The following SNX13 variants were observed in gnomAD, a reference collection of about 807,000 sequenced individuals.
SNX13 encodes sorting nexin-13.
A neutral mutation model predicts 133.6 loss-of-function variants in SNX13; 45 were observed. The ratio of observed to expected loss-of-function variants is 0.34; its 90% CI spans 0.27 to 0.43. SNX13 has a LOEUF of 0.43. Among genes scored for constraint, SNX13 ranks in the 20% least tolerant of loss-of-function variants. The pLI is 1.00. For synonymous variants in SNX13, 414 were observed against 373.9 expected (o/e 1.11, Z -1.24); for missense variants, 1,032 against 1,145.1 (o/e 0.90, Z 1.43).
intron 1 of SNX13, among the ~76,000 whole-genome samples, chr7:17,905,398 A>G (rs545165173): frequency 6.6e-6 from 1 of 152,234 alleles, no homozygotes; most frequent in Non-Finnish European, 1.5e-5. Context: ...TATACATGTA[A>G]TGATAACATA....
At position 17,897,424 on chromosome 7, in the gene SNX13, C is replaced by T; in HGVS notation, c.35G>A (p.Trp12Ter). 6.2e-7 allele frequency: 1 copy of T among 1,601,134 alleles called. No homozygotes were observed. Among genetic ancestry groups the T allele is most frequent in the Non-Finnish European group, 8.5e-7 (1 of 1,172,734 alleles). Reference sequence around the variant, plus strand: ...AAAAAGGACAATGCCAAGGCTTCCCCATCCCCATATGGATAGACTGGCCTG... The same window carrying T: ...AAAAAGGACAATGCCAAGGCTTCCCTATCCCCATATGGATAGACTGGCCTG... ...LTEASLSIWG[W>*]GSLGIVLFLI... The change falls in exon 2 of 26, where the codon TGG becomes TAG. Residue 12 changes from tryptophan to a stop codon, truncating the protein, a stop_gained. Transcript: ENST00000428135. LOFTEE classifies it high-confidence loss of function.
intron 1 of SNX13, among the ~76,000 whole-genome samples, chr7:17,904,998 G>A (rs1365687909): frequency 6.6e-6 from 1 of 152,064 alleles, no homozygotes; most frequent in Non-Finnish European, 1.5e-5. Context: ...GGAAGGAATG[G>A]AAAAAGGAGA....
intron 12 of SNX13, among the ~76,000 whole-genome samples, chr7:17,840,207 C>T (rs545060450): frequency 2.0e-5 from 3 of 151,986 alleles, no homozygotes; most frequent in Non-Finnish European, 2.9e-5. Flanking sequence ...AAAGTGAAGT[C>T]GTGTATTTCA....
intron 3 of SNX13, among the ~76,000 whole-genome samples, chr7:17,892,757 T>C (rs1796765685): frequency 6.6e-6 from 1 of 152,120 alleles, no homozygotes; most frequent in Non-Finnish European, 1.5e-5. Flanking sequence ...CCTCTCTTCA[T>C]ACAAAATGAA....
rs149245703 is a variant in SNX13 at position 17,859,018 on chromosome 7, C to T, written c.838-8054G>A. Among the ~76,000 whole-genome samples the T allele has an allele frequency of 4.9e-3, 743 of 152,122 alleles. 5 individuals are homozygous for T. The highest frequency in any genetic ancestry group is 0.017 in the African/African-American group (717 of 41,536). Reference sequence around the variant, plus strand: ...TATAAAACTTAGCATAGGCAAATAACTTGGTAATCTTCAAACAAACAAGGA... The same window carrying T: ...TATAAAACTTAGCATAGGCAAATAATTTGGTAATCTTCAAACAAACAAGGA... On this transcript the variant is annotated intron_variant, in intron 9 of 25. Coordinates refer to ENST00000428135, the MANE Select transcript of SNX13 (RefSeq NM_015132.5).
intron 21 of SNX13, 85 bp from the exon 22 acceptor site, chr7:17,801,744 T>C: frequency 1.0e-6 from 1 of 1,000,534 alleles, no homozygotes; most frequent in Admixed American, 2.8e-5. Flanking sequence ...TAAATGAGTA[T>C]CAGCATTTGA....
At chr7:17,827,847 T>C (rs1450625674) in intron 16 of SNX13, among the ~76,000 whole-genome samples, 2 of 152,002 alleles carry the variant, frequency 1.3e-5, no homozygotes, top group East Asian at 1.9e-4. Context: ...TTTACTTCAA[T>C]ATTTTTATGT....
chr7:17,798,703 C>A lies in SNX13; in HGVS notation c.2500G>T (p.Val834Leu). 1.3e-6 allele frequency: 2 copies of A among 1,577,908 alleles called. No homozygotes were observed. Among genetic ancestry groups the A allele is most frequent in the Non-Finnish European group, 1.7e-6 (2 of 1,162,754 alleles). ...MTSPEQVADS[V>L]KRFRDAFWPN... The stretch of plus-strand genomic sequence containing the variant: ...CTTAAGATATACCTGAAACGTTTCA[C>A]TGAGTCGGCTACTTGTTCAGGTGAA... The change falls in exon 24 of 26, where the codon GTG (valine) becomes TTG (leucine). Residue 834 changes from valine to leucine, a missense_variant. Val to Leu is a conservative substitution (Grantham distance 32). Coordinates refer to ENST00000428135, the MANE Select transcript of SNX13 (RefSeq NM_015132.5).
At chr7:17,851,251 G>GAGCA (rs1791171685) in intron 9 of SNX13, among the ~76,000 whole-genome samples, 1 of 152,196 alleles carries the variant, frequency 6.6e-6, no homozygotes, top group South Asian at 2.1e-4. Context: ...AAGACAAACT[G>GAGCA]AGCAAAAGAT....
chr7:17,806,926 A>G (rs1379649854), intron 20 of SNX13, among the ~76,000 whole-genome samples: 1 of 152,222 alleles, frequency 6.6e-6, no homozygotes, highest in Admixed American at 6.5e-5. Flanking sequence ...TTTTTGGTCC[A>G]GATACTACGC....
chr7:17,911,825 A>G (rs1242011736), intron 1 of SNX13, among the ~76,000 whole-genome samples: 5 of 152,098 alleles, frequency 3.3e-5, no homozygotes, highest in Non-Finnish European at 5.9e-5. Flanking sequence ...AAAATAAATA[A>G]GTAGATTTTT....
intron 20 of SNX13, among the ~76,000 whole-genome samples, chr7:17,813,117 A>C (rs1278124449): frequency 6.6e-6 from 1 of 152,170 alleles, no homozygotes; most frequent in East Asian, 1.9e-4. Flanking sequence ...AAGTATAAAA[A>C]ATAAAAAATG....
chr7:17,816,401 C>G (rs568958479), intron 18 of SNX13, 112 bp from the exon 19 acceptor site: 283 of 1,287,540 alleles, frequency 2.2e-4, no homozygotes, highest in African/African-American at 1.2e-3. Flanking sequence ...GTGGCTCACG[C>G]CTGTAATCCC....
intron 12 of SNX13, among the ~76,000 whole-genome samples, chr7:17,841,553 T>TACACACAC (rs71553704): frequency 0.24 from 34,917 of 142,862 alleles, 4,829 homozygotes; most frequent in Non-Finnish European, 0.32. Flanking sequence ...CAGTTATTCA[T>TACACACAC]ACACACACAC....
chr7:17,836,858 T>C (rs758022089), intron 13 of SNX13, among the ~76,000 whole-genome samples: 8 of 152,024 alleles, frequency 5.3e-5, no homozygotes, highest in Non-Finnish European at 1.2e-4. Flanking sequence ...AAGCAAAATA[T>C]ACATGCAAAA....
chr7:17,877,045 GAAAAAAAAAA>G (rs57618763), intron 5 of SNX13, among the ~76,000 whole-genome samples: 7 of 60,070 alleles, frequency 1.2e-4, no homozygotes, highest in Admixed American at 2.0e-4. Flanking sequence ...GTTACTTTTT[GAAAAAAAAAA>G]AAAAAAAAAA....
At position 17,851,036 on chromosome 7, in the gene SNX13, C is replaced by T. The variant is rs992377245; in HGVS notation, c.838-72G>A. On this transcript the variant is annotated intron_variant, in intron 9 of 25. Coordinates refer to ENST00000428135, the MANE Select transcript of SNX13 (RefSeq NM_015132.5). ...GAAAAGGAAAACTGAATCTTGAGTG[C>T]CTACTATGTGCTAGGACAATTTGCT... 24 of 1,467,904 alleles carry T rather than the reference C, an allele frequency of 1.6e-5. No individual in the cohort carries two copies. In the African/African-American group the frequency reaches 2.7e-4, roughly 17 times the overall value. The allele number at this position is 1,467,904 out of a possible 1,614,324, so 90.9% of individuals were successfully genotyped here.
chr7:17,855,555 A>C (rs1319538936), intron 9 of SNX13, among the ~76,000 whole-genome samples: 2 of 152,320 alleles, frequency 1.3e-5, no homozygotes, highest in South Asian at 4.1e-4. Flanking sequence ...TAGGGCCCTT[A>C]GGAATTATGC....
intron 20 of SNX13, among the ~76,000 whole-genome samples, chr7:17,805,246 T>TGTGC (rs1562662587): frequency 8.0e-5 from 8 of 100,200 alleles, no homozygotes; most frequent in Non-Finnish European, 1.8e-4. Flanking sequence ...TGTGTGTGTG[T>TGTGC]GTGTGCGTGC....
Sources: gnomAD v4.1 joint callset for allele counts (sites outside exome capture counted in the v4.1 genomes callset) on GRCh38, gnomAD v4.1.1 for gene constraint, MANE v1.5 for transcripts, NCBI Gene and HGNC (gene_info 2026-07-23, HGNC 2026-07-21) for gene names.